ZNF385D: variants seen among roughly 807,000 people sequenced by gnomAD.
The protein encoded by ZNF385D is zinc finger protein 385D, also known as zinc finger protein 659.
ZNF385D carries 15 observed loss-of-function variants against 35.8 expected under a neutral mutation model. The observed-to-expected ratio is 0.42, with a 90% CI of 0.28 to 0.64. The LOEUF is 0.64. Ranked by LOEUF, ZNF385D falls within the 30% of genes least tolerant of loss-of-function variation. ZNF385D has a pLI of 0.23. For synonymous variants in ZNF385D, 212 were observed against 186.8 expected, an observed-to-expected ratio of 1.13 and a Z score of -1.10; for missense variants, 474 against 494.6, an observed-to-expected ratio of 0.96 and a Z score of 0.39.
chr3:22,170,718 T>C (rs1029374103), intron 2 of ZNF385D, among the ~76,000 whole-genome samples: 1 of 152,172 alleles, frequency 6.6e-6, no homozygotes, highest in East Asian at 1.9e-4. Context: ...CCTTATTTTA[T>C]ATAAATAAAA....
At chr3:22,345,198 C>G (rs1316886921) in intron 2 of ZNF385D, among the ~76,000 whole-genome samples, 1 of 152,086 alleles carries the variant, frequency 6.6e-6, no homozygotes, top group Non-Finnish European at 1.5e-5. Flanking sequence ...TATGGACTGC[C>G]TTTATGGTAG....
intron 3 of ZNF385D, among the ~76,000 whole-genome samples, chr3:21,937,688 ATC>A (rs142237476): frequency 0.11 from 17,272 of 152,132 alleles, 1,300 homozygotes; most frequent in South Asian, 0.24. Context: ...AAGAAAAATT[ATC>A]TGTTTCCCTA....
chr3:22,058,914 A>C (rs954412427), intron 3 of ZNF385D, among the ~76,000 whole-genome samples: 1 of 152,160 alleles, frequency 6.6e-6, no homozygotes, highest in African/African-American at 2.4e-5. Flanking sequence ...TCTTAATCCA[A>C]ATCTTTTCCT....
chr3:22,083,402 C>T (rs537890078), intron 3 of ZNF385D, among the ~76,000 whole-genome samples: 2 of 152,284 alleles, frequency 1.3e-5, no homozygotes, highest in South Asian at 4.1e-4. Context: ...CCTGATGGAG[C>T]TGAAAACCAT....
At chr3:22,306,836 A>C (rs1430815998) in intron 2 of ZNF385D, among the ~76,000 whole-genome samples, 1 of 152,150 alleles carries the variant, frequency 6.6e-6, no homozygotes, top group Non-Finnish European at 1.5e-5. Flanking sequence ...AGATAATGAG[A>C]TAAATGTTAG....
In ZNF385D at chr3:22,203,581, G is replaced by A. The variant is rs147984092; in HGVS notation, c.107-34546C>T. 3.9e-3 allele frequency among the ~76,000 whole-genome samples: 590 copies of A among 152,208 alleles called. 4 individuals are homozygous for A. The highest frequency in any genetic ancestry group is 8.3e-3 in the South Asian group (40 of 4,826). On this transcript the variant is annotated intron_variant, in intron 2 of 5. Coordinates refer to the ZNF385D transcript ENST00000494108. ...TCTGCAGTTCTAGGCCTTGGCTCTT[G>A]GATGGCATTTGTGGACCCATCATGG...
chr3:21,621,716 C>G (rs1018682374), intron 2 of ZNF385D, among the ~76,000 whole-genome samples: 53 of 151,974 alleles, frequency 3.5e-4, no homozygotes, highest in African/African-American at 1.2e-3. Flanking sequence ...GTTAAATTAG[C>G]TACTAAGGAA....
chr3:22,163,144 G>A (rs1706083199), intron 3 of ZNF385D, among the ~76,000 whole-genome samples: 2 of 152,128 alleles, frequency 1.3e-5, no homozygotes, highest in African/African-American at 4.8e-5. Context: ...GAAGGAACGA[G>A]CTCAGAGGAG....
At chr3:22,252,059 A>C (rs940298654) in intron 2 of ZNF385D, among the ~76,000 whole-genome samples, 1 of 152,136 alleles carries the variant, frequency 6.6e-6, no homozygotes, top group East Asian at 1.9e-4. Context: ...ATACATAAGA[A>C]TAAGGAACTC....
intron 1 of ZNF385D, among the ~76,000 whole-genome samples, chr3:21,695,140 A>C (rs2067426970): frequency 6.6e-6 from 1 of 152,206 alleles, no homozygotes; most frequent in African/African-American, 2.4e-5. Context: ...TCATCATTGT[A>C]AGTGTTACCA....
chr3:22,234,139 A>C (rs908680142), intron 2 of ZNF385D, among the ~76,000 whole-genome samples: 2 of 152,118 alleles, frequency 1.3e-5, no homozygotes, highest in African/African-American at 2.4e-5. Context: ...AAGTAAATGC[A>C]TTATTTGGGA....
intron 3 of ZNF385D, among the ~76,000 whole-genome samples, chr3:21,767,487 T>C (rs998935764): frequency 1.3e-5 from 2 of 152,110 alleles, no homozygotes; most frequent in African/African-American, 4.8e-5. Flanking sequence ...ATACCATTTG[T>C]TATCATTGAC....
intron 3 of ZNF385D, among the ~76,000 whole-genome samples, chr3:21,536,960 C>A (rs545307354): frequency 2.6e-5 from 4 of 151,766 alleles, no homozygotes; most frequent in East Asian, 3.9e-4. Flanking sequence ...GGTATAGTAA[C>A]GACAGAGTCA....
chr3:21,638,459 A>G (rs1336358554), intron 2 of ZNF385D, among the ~76,000 whole-genome samples: 1 of 152,120 alleles, frequency 6.6e-6, no homozygotes, highest in African/African-American at 2.4e-5. Context: ...CAGCTGTGAT[A>G]CAAACCCAGT....
intron 2 of ZNF385D, among the ~76,000 whole-genome samples, chr3:22,359,459 T>C (rs934737541): frequency 1.3e-5 from 2 of 151,914 alleles, no homozygotes; most frequent in Non-Finnish European, 2.9e-5. Flanking sequence ...TGATAGAACT[T>C]AGGACTGGTT....
At chr3:21,891,013 T>G (rs542812483) in intron 3 of ZNF385D, among the ~76,000 whole-genome samples, 1 of 152,300 alleles carries the variant, frequency 6.6e-6, no homozygotes, top group African/African-American at 2.4e-5. Flanking sequence ...GGAACTGGAC[T>G]AATACAGGTT....
chr3:21,963,884 G>A (rs1056758982), intron 3 of ZNF385D, among the ~76,000 whole-genome samples: 1 of 151,980 alleles, frequency 6.6e-6, no homozygotes, highest in Non-Finnish European at 1.5e-5. Flanking sequence ...ATTCAGAGCA[G>A]AAATACAAGA....
At chr3:21,782,235 C>G (rs1389184702) in intron 3 of ZNF385D, among the ~76,000 whole-genome samples, 1 of 152,098 alleles carries the variant, frequency 6.6e-6, no homozygotes. Context: ...AAGAAGACAG[C>G]TGATACTTAG....
chr3:21,541,968 A>G (rs1040398179), intron 3 of ZNF385D, among the ~76,000 whole-genome samples: 2 of 152,230 alleles, frequency 1.3e-5, no homozygotes, highest in African/African-American at 4.8e-5. Flanking sequence ...ATTTTATTCC[A>G]TAGCTAATAA....
Sources: allele counts gnomAD v4.1 joint callset (sites outside exome capture counted in the v4.1 genomes callset), GRCh38; gene constraint gnomAD v4.1.1; transcripts MANE v1.5; gene names NCBI Gene and HGNC (gene_info 2026-07-23, HGNC 2026-07-21).